The following PIGN variants were observed in gnomAD, a reference collection of about 807,000 sequenced individuals.
PIGN encodes phosphatidylinositol glycan anchor biosynthesis class N.
PIGN carries 117 observed loss-of-function variants against 125.4 expected under a neutral mutation model. That is an observed-to-expected ratio of 0.93 (90% confidence interval 0.80 to 1.09). The LOEUF (loss-of-function observed/expected upper bound fraction) is 1.09. PIGN is among the 50% of genes least tolerant of loss of function. The pLI, the probability that PIGN is intolerant of heterozygous loss-of-function variation, is 0.00. For missense variants in PIGN, 1,075 were observed against 1,094.9 expected, an observed-to-expected ratio of 0.98 and a Z score of 0.26; for synonymous variants, 392 against 377.8, an observed-to-expected ratio of 1.04 and a Z score of -0.44.
intron 28 of PIGN, among the ~76,000 whole-genome samples, chr18:62,077,431 A>T (rs1273877826): frequency 6.6e-6 from 1 of 152,186 alleles, no homozygotes; most frequent in African/African-American, 2.4e-5. Flanking sequence ...TACCTTTTTT[A>T]AAAAGTTTTG....
intron 1 of PIGN, among the ~76,000 whole-genome samples, chr18:62,164,422 G>A (rs1189546005): frequency 6.6e-6 from 1 of 152,170 alleles, no homozygotes; most frequent in South Asian, 2.1e-4. Flanking sequence ...AAGCATGACT[G>A]CGAGGCCTCA....
intron 30 of PIGN, among the ~76,000 whole-genome samples, chr18:62,061,478 T>G (rs1864689): frequency 0.27 from 21,671 of 78,940 alleles, 2,518 homozygotes; most frequent in Middle Eastern, 0.38. Flanking sequence ...GCAGTCCGCA[T>G]TCCGGCCTGG....
intron 10 of PIGN, among the ~76,000 whole-genome samples, chr18:62,143,734 T>C (rs1185135039): frequency 1.3e-5 from 2 of 152,158 alleles, no homozygotes; most frequent in Non-Finnish European, 2.9e-5. Context: ...AGTTAATTAA[T>C]TCAAGCTTCT....
At chr18:62,133,197 T>C (rs2035804426) in intron 14 of PIGN, among the ~76,000 whole-genome samples, 1 of 152,234 alleles carries the variant, frequency 6.6e-6, no homozygotes, top group Non-Finnish European at 1.5e-5. Flanking sequence ...GACTAAGCTA[T>C]GATGTTCAGT....
chr18:62,035,698 C>T (rs1254766413), intron 23 of PIGN, among the ~76,000 whole-genome samples: 4 of 151,546 alleles, frequency 2.6e-5, no homozygotes, highest in African/African-American at 7.3e-5. Flanking sequence ...CACAACAGGC[C>T]CCGGTGTGTG....
At chr18:62,185,488 G>A (rs889319937) in intron 1 of PIGN, among the ~76,000 whole-genome samples, 2 of 151,950 alleles carry the variant, frequency 1.3e-5, no homozygotes, top group Admixed American at 1.3e-4. Context: ...TTAGTTTATT[G>A]AGCCTGGGTA....
At chr18:62,029,775 G>A (rs559290524) in intron 23 of PIGN, among the ~76,000 whole-genome samples, 23 of 152,240 alleles carry the variant, frequency 1.5e-4, no homozygotes, top group African/African-American at 4.8e-4. Flanking sequence ...CTAATTCCTC[G>A]GCAGGAGTGA....
At position 62,142,512 on chromosome 18, in the gene PIGN, G is replaced by GT. The variant is rs572676648; in HGVS notation, c.963+793dup. On this transcript the variant is annotated intron_variant, in intron 11 of 30. Coordinates refer to ENST00000640252, the MANE Select transcript of PIGN (RefSeq NM_176787.5). ...ATGTTCATGTTCATTTACTTGGGTA[G>GT]TATGCATCTATCCCAGGAGAAGACT... Among the ~76,000 whole-genome samples, 1,006 of 152,274 alleles carry GT rather than the reference G, an allele frequency of 6.6e-3. 1 individual carries two copies. The highest frequency in any genetic ancestry group is 9.8e-3 in the Non-Finnish European group (668 of 68,024).
rs2030466865 is a variant in PIGN at position 62,043,700 on chromosome 18, C to T, written c.*2156G>A. ...ATGACAGACAAGCTGCAGCGGTTTCCTAAAGCCTTAGGATTCCCTCTAAGG... is the reference window on the plus strand; with the variant it reads ...ATGACAGACAAGCTGCAGCGGTTTCTTAAAGCCTTAGGATTCCCTCTAAGG... On this transcript the variant is annotated 3_prime_UTR_variant, in exon 31 of 31. Transcript: ENST00000640252. The T allele has an allele frequency of 6.6e-6, 1 of 152,118 alleles. No homozygotes were observed. Among genetic ancestry groups the T allele is most frequent in the Non-Finnish European group, 1.5e-5 (1 of 68,020 alleles). The allele number at this position is 152,118 out of a possible 1,614,324, so 9.4% of individuals were successfully genotyped here.
intron 29 of PIGN, among the ~76,000 whole-genome samples, chr18:62,073,170 G>GGTGTGTGTGTGTGT (rs34182707): frequency 2.1e-4 from 30 of 145,484 alleles, no homozygotes; most frequent in East Asian, 1.0e-3. Flanking sequence ...AATTATCAGG[G>GGTGTGTGTGTGTGT]GTGTGTGTGT....
At chr18:62,088,679 A>G (rs952157110) in intron 25 of PIGN, 77 bp downstream of exon 25, 1 of 788,580 alleles carries the variant, frequency 1.3e-6, no homozygotes, top group African/African-American at 1.7e-5. Context: ...AGTGATGGGC[A>G]GAAACACCTT....
chr18:62,167,679 ACTCTCT>A lies in PIGN; in HGVS notation c.-235-4029_-235-4024del, dbSNP rs148742862. ...ACAAAGTTATATGTCTCCATAACAC[ACTCTCT>A]CTCTCTCTCTCTACATATATATATA... On this transcript the variant is annotated intron_variant, in intron 1 of 30. Transcript: ENST00000640252. Among the ~76,000 whole-genome samples, 183 of 141,478 alleles carry A rather than the reference ACTCTCT, an allele frequency of 1.3e-3. 1 individual carries two copies. The highest frequency in any genetic ancestry group is 4.5e-3 in the African/African-American group (177 of 39,246). 92.8% of individuals were successfully genotyped at this position (141,478 alleles called of 152,430 possible).
intron 30 of PIGN, chr18:62,051,902 T>C (rs1472163348): frequency 6.6e-6 from 1 of 152,052 alleles, no homozygotes; most frequent in Non-Finnish European, 1.5e-5. Flanking sequence ...GTATGTTGTG[T>C]CTTTGTTCTC....
At chr18:62,037,270 C>G (rs184980248), downstream of PIGN, among the ~76,000 whole-genome samples, 15 of 152,346 alleles carry the variant, frequency 9.8e-5, no homozygotes, top group East Asian at 2.9e-3. Flanking sequence ...GAAATTAGCT[C>G]TGAGTTGACT....
intron 9 of PIGN, among the ~76,000 whole-genome samples, chr18:62,146,600 A>T (rs752513907): frequency 2.0e-5 from 3 of 152,202 alleles, no homozygotes; most frequent in Non-Finnish European, 4.4e-5. Context: ...GGAATCTCAC[A>T]GGGCGCACAG....
intron 30 of PIGN, among the ~76,000 whole-genome samples, chr18:62,047,003 C>A (rs1195153194): frequency 6.6e-6 from 1 of 152,124 alleles, no homozygotes; most frequent in Admixed American, 6.5e-5. Flanking sequence ...TGGGCACAGA[C>A]CAAAAAGAAA....
intron 7 of PIGN, among the ~76,000 whole-genome samples, chr18:62,150,084 C>T (rs2036473440): frequency 6.6e-6 from 1 of 152,150 alleles, no homozygotes; most frequent in South Asian, 2.1e-4. Context: ...TGGGTTCAAG[C>T]GATTCTCTTG....
rs376049906 is a variant in PIGN at position 62,097,814 on chromosome 18, G to A, written c.2078-1864C>T. On this transcript the variant is annotated intron_variant, in intron 22 of 30. Transcript: ENST00000640252. ...CTTCACCATGCATGAGAGATGTATC[G>A]ACTCTCCCCCGGGATAATAAAAGCA... 9.2e-5 allele frequency among the ~76,000 whole-genome samples: 14 copies of A among 152,046 alleles called. No individual in the cohort carries two copies. In the East Asian group the frequency reaches 2.7e-3, roughly 30 times the overall value.
At chr18:62,117,294 T>A (rs2035123166) in intron 14 of PIGN, among the ~76,000 whole-genome samples, 1 of 152,048 alleles carries the variant, frequency 6.6e-6, no homozygotes, top group Non-Finnish European at 1.5e-5. Flanking sequence ...TTGTAAGAAA[T>A]ATAAAGTCTA....
Sources: allele counts gnomAD v4.1 joint callset (sites outside exome capture counted in the v4.1 genomes callset), GRCh38; gene constraint gnomAD v4.1.1; transcripts MANE v1.5; gene names NCBI Gene and HGNC (gene_info 2026-07-23, HGNC 2026-07-21).